The following LINGO2 variants were observed in gnomAD, a reference collection of about 807,000 sequenced individuals.
LINGO2 encodes the protein leucine rich repeat and Ig domain containing 2, also known as leucine-rich repeat and immunoglobulin-like domain-containing nogo receptor-interacting protein 2.
In LINGO2, 14 loss-of-function variants were observed where a neutral mutation model predicts 30.6. The ratio of observed to expected loss-of-function variants is 0.46; its 90% confidence interval spans 0.30 to 0.72. The LOEUF (loss-of-function observed/expected upper bound fraction) is 0.72. Ranked by LOEUF, LINGO2 falls within the 30% of genes least tolerant of loss-of-function variation. The pLI is 0.07. For synonymous variants in LINGO2, 317 were observed against 288.5 expected, an observed-to-expected ratio of 1.10 and a Z score of -1.00; for missense variants, 729 against 751.7, an observed-to-expected ratio of 0.97 and a Z score of 0.35.
At chr9:29,037,511 AC>A in the LINGO2 span, among the ~76,000 whole-genome samples, 584 of 152,116 alleles carry the variant, frequency 3.8e-3, 2 homozygotes, top group African/African-American at 0.013. Context: ...TCAAAAACTC[AC>A]ATTGATCAGC....
the LINGO2 span, among the ~76,000 whole-genome samples, chr9:29,145,604 C>G: frequency 6.6e-6 from 1 of 152,004 alleles, no homozygotes; most frequent in African/African-American, 2.4e-5. Context: ...AGCAATCAAC[C>G]AAAATATATT....
chr9:28,369,880 T>C (rs921958254), intron 3 of LINGO2, among the ~76,000 whole-genome samples: 25 of 152,192 alleles, frequency 1.6e-4, no homozygotes, highest in African/African-American at 5.8e-4. Flanking sequence ...TCCTCTTTAA[T>C]TAATAATCAT....
At chr9:28,602,138 A>C (rs1027254734) in intron 1 of LINGO2, among the ~76,000 whole-genome samples, 2 of 152,070 alleles carry the variant, frequency 1.3e-5, no homozygotes, top group Non-Finnish European at 2.9e-5. Context: ...ATTCCAGCCT[A>C]GGCTTACCCT....
intron 4 of LINGO2, among the ~76,000 whole-genome samples, chr9:28,245,611 C>T (rs537428882): frequency 6.6e-6 from 1 of 152,116 alleles, no homozygotes; most frequent in Non-Finnish European, 1.5e-5. Flanking sequence ...GATACAAAAT[C>T]AATGTGCAAA....
chr9:28,500,473 G>T (rs1013434634), intron 1 of LINGO2, among the ~76,000 whole-genome samples: 2 of 152,046 alleles, frequency 1.3e-5, no homozygotes, highest in African/African-American at 4.8e-5. Flanking sequence ...ACATATTTTT[G>T]TGAAAAAAGT....
the LINGO2 span, among the ~76,000 whole-genome samples, chr9:29,079,657 T>A: frequency 6.6e-6 from 1 of 151,944 alleles, no homozygotes; most frequent in Non-Finnish European, 1.5e-5. Context: ...TTTATCTTAC[T>A]CTTAAAGAGC....
chr9:28,769,504 ATATATATATATATATTTTTTTTTTT>A, the LINGO2 span, among the ~76,000 whole-genome samples: 63 of 3,362 alleles, frequency 0.019, 7 homozygotes, highest in Admixed American at 0.035. Context: ...ATATATATAT[ATATATATATATATATTTTTTTTTTT>A]TTTTTTTTTT....
chr9:28,017,195 A>T (rs140590881), intron 4 of LINGO2, among the ~76,000 whole-genome samples: 1,614 of 152,300 alleles, frequency 0.011, 34 homozygotes, highest in African/African-American at 0.037. Context: ...ACACTTCAAA[A>T]TAATAAGAGC....
At chr9:29,065,975 A>C in the LINGO2 span, among the ~76,000 whole-genome samples, 2 of 152,012 alleles carry the variant, frequency 1.3e-5, no homozygotes, top group Non-Finnish European at 2.9e-5. Flanking sequence ...AAAATATTTA[A>C]GCAAAGTTAA....
rs527549370 is a variant in LINGO2, at chr9:28,070,512, C to T, written c.-86-58107G>A. On this transcript the variant is annotated intron_variant, in intron 4 of 5. Transcript: ENST00000379992. ...TTAAATCCCAGGATGGCTTTTCCAT[C>T]TACATAATGCTAGGGAGTGATACTG... is the stretch of plus-strand genomic sequence containing the variant. Among the ~76,000 whole-genome samples, 4 of 152,282 alleles carry T rather than the reference C, an allele frequency of 2.6e-5. No homozygotes were observed. The East Asian group carries it at 5.8e-4, about 22-fold the overall frequency.
the LINGO2 span, among the ~76,000 whole-genome samples, chr9:29,093,378 T>C: frequency 7.5e-6 from 1 of 133,688 alleles, no homozygotes; most frequent in Non-Finnish European, 1.6e-5. Context: ...TACTAATTTG[T>C]TTTATCAGTA....
intron 1 of LINGO2, among the ~76,000 whole-genome samples, chr9:28,557,116 G>T (rs938045668): frequency 6.6e-6 from 1 of 152,048 alleles, no homozygotes; most frequent in African/African-American, 2.4e-5. Context: ...AACACCAAAA[G>T]CAATGGCAAC....
chr9:28,720,203 C>A, the LINGO2 span, among the ~76,000 whole-genome samples: 2 of 151,912 alleles, frequency 1.3e-5, no homozygotes, highest in African/African-American at 2.4e-5. Flanking sequence ...TGTATCCAAG[C>A]ACTTCATTTT....
At chr9:28,948,113 TTTA>T in the LINGO2 span, among the ~76,000 whole-genome samples, 2 of 152,088 alleles carry the variant, frequency 1.3e-5, no homozygotes, top group Non-Finnish European at 2.9e-5. Context: ...GGTAATGCAT[TTTA>T]TTATATGTGT....
At chr9:28,491,623 C>T (rs1221136351) in intron 1 of LINGO2, among the ~76,000 whole-genome samples, 1 of 152,146 alleles carries the variant, frequency 6.6e-6, no homozygotes, top group African/African-American at 2.4e-5. Flanking sequence ...AAAATTAAAC[C>T]TAATTAAACA....
intron 4 of LINGO2, among the ~76,000 whole-genome samples, chr9:28,081,564 C>G (rs1434207030): frequency 6.6e-6 from 1 of 152,104 alleles, no homozygotes; most frequent in Non-Finnish European, 1.5e-5. Flanking sequence ...AATACATAAA[C>G]CTAGAAAGGT....
At chr9:28,309,588 TA>T (rs954533419) in intron 3 of LINGO2, among the ~76,000 whole-genome samples, 7 of 148,390 alleles carry the variant, frequency 4.7e-5, no homozygotes, top group African/African-American at 9.9e-5. Context: ...ATAATAATAA[TA>T]AAAAAAAACA....
chr9:28,390,791 T>C (rs1398303515), intron 2 of LINGO2, among the ~76,000 whole-genome samples: 1 of 152,202 alleles, frequency 6.6e-6, no homozygotes, highest in Non-Finnish European at 1.5e-5. Context: ...AAGAATTTTA[T>C]AAACAAAAGA....
At chr9:29,106,873 A>C in the LINGO2 span, among the ~76,000 whole-genome samples, 1 of 152,160 alleles carries the variant, frequency 6.6e-6, no homozygotes, top group Non-Finnish European at 1.5e-5. Flanking sequence ...ATACACACAC[A>C]AATTCAGATC....
Sources: allele counts gnomAD v4.1 joint callset (sites outside exome capture counted in the v4.1 genomes callset), GRCh38; gene constraint gnomAD v4.1.1; transcripts MANE v1.5; gene names NCBI Gene and HGNC (gene_info 2026-07-23, HGNC 2026-07-21).